The following LTBP1 variants were observed in gnomAD, a reference collection of about 807,000 sequenced individuals.
LTBP1 encodes the protein latent transforming growth factor beta binding protein 1, also known as latent-transforming growth factor beta-binding protein 1.
A neutral mutation model predicts 207.6 loss-of-function variants in LTBP1; 129 were observed. The observed-to-expected ratio is 0.62, with a 90% CI of 0.54 to 0.72. LTBP1 has a LOEUF of 0.72. Ranked by LOEUF, LTBP1 falls within the 30% of genes least tolerant of loss-of-function variation. The probability of loss-of-function intolerance (pLI) is 0.00; values close to 1 mark genes in which losing one functional copy is unlikely to be tolerated. For missense variants in LTBP1, 2,281 were observed against 2,217.2 expected (o/e 1.03, Z -0.58); for synonymous variants, 963 against 833.7 (o/e 1.16, Z -2.67).
chr2:33,050,139 T>TC (rs776322347), intron 3 of LTBP1, among the ~76,000 whole-genome samples: 1 of 139,924 alleles, frequency 7.1e-6, no homozygotes, highest in Non-Finnish European at 1.5e-5. Flanking sequence ...CATTTTTTTT[T>TC]TTTTCTTTTC....
At chr2:33,140,870 T>C (rs2082595455) in intron 5 of LTBP1, among the ~76,000 whole-genome samples, 1 of 152,166 alleles carries the variant, frequency 6.6e-6, no homozygotes, top group African/African-American at 2.4e-5. Context: ...GGTTTCACTA[T>C]GTTGGCCAGG....
chr2:33,314,828 G>T (rs1454191134), intron 23 of LTBP1, among the ~76,000 whole-genome samples: 1 of 152,218 alleles, frequency 6.6e-6, no homozygotes, highest in East Asian at 1.9e-4. Context: ...CACCAATGAA[G>T]AGCATCTCTC....
At chr2:33,242,630 C>T (rs1295456582) in intron 9 of LTBP1, among the ~76,000 whole-genome samples, 1 of 149,552 alleles carries the variant, frequency 6.7e-6, no homozygotes, top group East Asian at 2.0e-4. Flanking sequence ...ACTCCTTTCT[C>T]TTACTTTCTC....
intron 9 of LTBP1, among the ~76,000 whole-genome samples, chr2:33,229,902 C>T (rs573740031): frequency 2.0e-4 from 31 of 152,250 alleles, no homozygotes; most frequent in African/African-American, 7.2e-4. Context: ...TTCATGGGTC[C>T]TCAAGGAGGC....
chr2:33,089,622 G>A (rs953624272), intron 3 of LTBP1, among the ~76,000 whole-genome samples: 2 of 152,184 alleles, frequency 1.3e-5, no homozygotes, highest in African/African-American at 2.4e-5. Context: ...TTAAAATATT[G>A]AGCCAGATAA....
At chr2:33,166,470 A>T (rs978598636) in intron 5 of LTBP1, among the ~76,000 whole-genome samples, 2 of 152,136 alleles carry the variant, frequency 1.3e-5, no homozygotes, top group Non-Finnish European at 1.5e-5. Context: ...CTTTTCTTCC[A>T]TGTCTCTGAT....
intron 3 of LTBP1, among the ~76,000 whole-genome samples, chr2:33,036,320 C>G (rs1292220250): frequency 2.0e-5 from 3 of 152,172 alleles, no homozygotes; most frequent in African/African-American, 7.2e-5. Flanking sequence ...CTTTGAGAAC[C>G]ACTGATTAAA....
At chr2:33,175,489 A>G (rs1474070187) in intron 5 of LTBP1, among the ~76,000 whole-genome samples, 6 of 152,186 alleles carry the variant, frequency 3.9e-5, no homozygotes, top group Non-Finnish European at 8.8e-5. Flanking sequence ...GCAATCATTA[A>G]AAAGTCAGGA....
intron 5 of LTBP1, among the ~76,000 whole-genome samples, chr2:33,148,781 A>G (rs980571631): frequency 6.6e-6 from 1 of 152,220 alleles, no homozygotes; most frequent in Non-Finnish European, 1.5e-5. Flanking sequence ...ATAGTTCTCA[A>G]CTGGGGCAGT....
At chr2:33,046,933 G>A (rs949258562) in intron 3 of LTBP1, among the ~76,000 whole-genome samples, 4 of 152,080 alleles carry the variant, frequency 2.6e-5, no homozygotes, top group Non-Finnish European at 4.4e-5. Context: ...ATGGTAGTTT[G>A]TATTTCTTTG....
chr2:33,288,584 G>A (rs181776914), intron 19 of LTBP1, among the ~76,000 whole-genome samples: 1 of 152,112 alleles, frequency 6.6e-6, no homozygotes, highest in East Asian at 1.9e-4. Context: ...GGCCAGGTGC[G>A]GTGGCTCACG....
intron 3 of LTBP1, among the ~76,000 whole-genome samples, chr2:33,058,517 C>A (rs754026639): frequency 2.0e-5 from 3 of 152,182 alleles, no homozygotes; most frequent in Non-Finnish European, 4.4e-5. Flanking sequence ...TTTCTCCCCC[C>A]TTCTTTTCAA....
chr2:33,362,757 T>C (rs1178659958), intron 28 of LTBP1, among the ~76,000 whole-genome samples: 1 of 152,212 alleles, frequency 6.6e-6, no homozygotes, highest in Non-Finnish European at 1.5e-5. Flanking sequence ...TAGATAACAC[T>C]TTTGAGTATC....
chr2:33,252,726 C>A lies in LTBP1; in HGVS notation c.2049C>A (p.Val683=), dbSNP rs762743769. 1 of 1,613,746 alleles carries A rather than the reference C, an allele frequency of 6.2e-7. No individual in the cohort carries two copies. ...SEEKGPCYRL[V]SSGRQCMHPL... is the part of the protein sequence containing the mutation. The stretch of plus-strand genomic sequence containing the variant: ...AGAAAGGGCCCTGTTACCGACTTGT[C>A]AGTTCTGGAAGACAGTGTATGCACC... Residue 683 remains valine (V), a synonymous_variant, in exon 11 of 34, where the codon GTC becomes GTA. Transcript: ENST00000404816.
Position 32,954,320 on chromosome 2 carries a change from C to T in LTBP1, c.565+5375C>T, listed in dbSNP as rs143841980. On this transcript the variant is annotated intron_variant, in intron 2 of 33. Coordinates refer to ENST00000404816, the MANE Select transcript of LTBP1 (RefSeq NM_206943.4). The stretch of plus-strand genomic sequence containing the variant: ...GTTCCACAAGCTGGGTGACTTAGAA[C>T]GATAGAAATGTATTGTCTCACAGTT... Among the ~76,000 whole-genome samples the T allele has an allele frequency of 2.5e-3, 385 of 152,308 alleles. 1 individual carries two copies. Among genetic ancestry groups the T allele is most frequent in the African/African-American group, 8.5e-3 (353 of 41,560 alleles).
At chr2:33,128,802 C>A (rs2081593125) in intron 4 of LTBP1, among the ~76,000 whole-genome samples, 1 of 152,192 alleles carries the variant, frequency 6.6e-6, no homozygotes, top group African/African-American at 2.4e-5. Context: ...TCTTGCTCCC[C>A]CTTTCTTTTT....
chr2:33,165,046 A>G (rs542857219), intron 5 of LTBP1, among the ~76,000 whole-genome samples: 1 of 152,352 alleles, frequency 6.6e-6, no homozygotes, highest in South Asian at 2.1e-4. Context: ...CATGTGCGTT[A>G]GTATACATCC....
intron 10 of LTBP1, among the ~76,000 whole-genome samples, chr2:33,244,149 G>A (rs1431464776): frequency 1.3e-5 from 2 of 152,128 alleles, no homozygotes; most frequent in Non-Finnish European, 2.9e-5. Context: ...GGTATTTTAA[G>A]CATTCTTTAG....
At chr2:33,211,172 AG>A (rs2090282218) in intron 7 of LTBP1, among the ~76,000 whole-genome samples, 1 of 152,242 alleles carries the variant, frequency 6.6e-6, no homozygotes, top group Non-Finnish European at 1.5e-5. Flanking sequence ...ATTAAGTAGT[AG>A]GTTCCTGACA....
Sources: gnomAD v4.1 joint callset for allele counts (sites outside exome capture counted in the v4.1 genomes callset) on GRCh38, gnomAD v4.1.1 for gene constraint, MANE v1.5 for transcripts, NCBI Gene and HGNC (gene_info 2026-07-23, HGNC 2026-07-21) for gene names.